The following FOXP1 variants were observed in gnomAD, a reference collection of about 807,000 sequenced individuals.
FOXP1 encodes the protein forkhead box P1, also known as forkhead box protein P1.
In FOXP1, 15 loss-of-function variants were observed where a neutral mutation model predicts 98.2. The observed-to-expected ratio is 0.15, with a 90% confidence interval of 0.10 to 0.24. The LOEUF (loss-of-function observed/expected upper bound fraction) is 0.24, where lower values mean the gene tolerates loss of function less well. Among genes scored for constraint, FOXP1 ranks in the 10% least tolerant of loss-of-function variants. The pLI is 1.00. For synonymous variants in FOXP1, 371 were observed against 314.5 expected (o/e 1.18, Z -1.90); for missense variants, 633 against 848.5 (o/e 0.75, Z 3.15).
At chr3:71,281,397 C>T (rs1401592847) in intron 5 of FOXP1, among the ~76,000 whole-genome samples, 1 of 152,204 alleles carries the variant, frequency 6.6e-6, no homozygotes, top group East Asian at 1.9e-4. Flanking sequence ...CACAAACAGC[C>T]AACCCTCTGC....
chr3:71,033,763 C>T (rs981025016), intron 11 of FOXP1, among the ~76,000 whole-genome samples: 7 of 152,154 alleles, frequency 4.6e-5, no homozygotes. Flanking sequence ...TCTCCCACTT[C>T]TAAGTCCCAA....
intron 18 of FOXP1, 41 bp from the exon 19 acceptor site, chr3:70,970,846 C>T (rs772462920): frequency 2.0e-5 from 29 of 1,472,362 alleles, no homozygotes; most frequent in East Asian, 4.5e-5. Flanking sequence ...TAAACACAGT[C>T]GACTGCTGAG....
intron 5 of FOXP1, among the ~76,000 whole-genome samples, chr3:71,209,360 G>A (rs1032247684): frequency 2.6e-5 from 4 of 152,154 alleles, no homozygotes; most frequent in Non-Finnish European, 5.9e-5. Context: ...ACACAGATTC[G>A]AATCTTTAAT....
chr3:71,449,947 A>G (rs2108495608), intron 3 of FOXP1, among the ~76,000 whole-genome samples: 1 of 152,372 alleles, frequency 6.6e-6, no homozygotes, highest in East Asian at 1.9e-4. Flanking sequence ...AGGTGACTTC[A>G]GTCATAAGGC....
intron 3 of FOXP1, among the ~76,000 whole-genome samples, chr3:71,396,976 ATATATGTG>A (rs1464816542): frequency 4.1e-4 from 19 of 46,616 alleles, no homozygotes; most frequent in African/African-American, 1.6e-3. Context: ...GTGTATATAT[ATATATGTG>A]TATATATATA....
At chr3:71,237,940 T>G (rs1231974973) in intron 5 of FOXP1, among the ~76,000 whole-genome samples, 1 of 152,156 alleles carries the variant, frequency 6.6e-6, no homozygotes, top group Non-Finnish European at 1.5e-5. Flanking sequence ...GAAGAGAAGG[T>G]GGCTCCCTGC....
At chr3:71,434,328 C>A (rs1339041667) in intron 3 of FOXP1, among the ~76,000 whole-genome samples, 3 of 151,928 alleles carry the variant, frequency 2.0e-5, no homozygotes, top group African/African-American at 7.3e-5. Context: ...GAAGACACCT[C>A]CTTCCCACTC....
At chr3:71,150,529 G>A (rs1005520760) in intron 6 of FOXP1, among the ~76,000 whole-genome samples, 5 of 151,916 alleles carry the variant, frequency 3.3e-5, no homozygotes, top group South Asian at 2.1e-4. Context: ...CTTACTCATC[G>A]AGACCTTTTT....
chr3:71,140,919 G>T (rs1338000842), intron 6 of FOXP1, among the ~76,000 whole-genome samples: 1 of 151,100 alleles, frequency 6.6e-6, no homozygotes, highest in Non-Finnish European at 1.5e-5. Flanking sequence ...TTTGAGGCCA[G>T]CACAGGCAAC....
At chr3:71,344,771 T>C (rs911629217) in intron 4 of FOXP1, among the ~76,000 whole-genome samples, 13 of 151,962 alleles carry the variant, frequency 8.6e-5, no homozygotes, top group Middle Eastern at 3.4e-3. Flanking sequence ...CTGGCAGAGG[T>C]TGCAGTGAGC....
At chr3:70,998,172 G>C (rs1375848308) in intron 13 of FOXP1, among the ~76,000 whole-genome samples, 1 of 152,164 alleles carries the variant, frequency 6.6e-6, no homozygotes, top group Non-Finnish European at 1.5e-5. Context: ...GTAAGAGCCA[G>C]ATCATAAATA....
At chr3:71,416,547 AACACACACACACACACACAC>A (rs55710900) in intron 3 of FOXP1, among the ~76,000 whole-genome samples, 5 of 136,778 alleles carry the variant, frequency 3.7e-5, no homozygotes, top group African/African-American at 5.7e-5. Flanking sequence ...TCTGTCTCAA[AACACACACACACACACACAC>A]ACACACACAC....
At chr3:71,190,244 G>C (rs2062882532) in intron 6 of FOXP1, among the ~76,000 whole-genome samples, 1 of 151,992 alleles carries the variant, frequency 6.6e-6, no homozygotes, top group Non-Finnish European at 1.5e-5. Context: ...ATTCTCCCAT[G>C]TTTTCCTAGC....
At chr3:71,211,683 GGA>G (rs1389252155) in intron 5 of FOXP1, among the ~76,000 whole-genome samples, 5 of 152,184 alleles carry the variant, frequency 3.3e-5, no homozygotes, top group Admixed American at 6.5e-5. Flanking sequence ...CTCAAGATTG[GGA>G]AGGACTGATT....
intron 3 of FOXP1, among the ~76,000 whole-genome samples, 195 bp downstream of exon 3, chr3:71,493,231 C>T (rs1044703768): frequency 2.6e-5 from 4 of 152,166 alleles, no homozygotes; most frequent in African/African-American, 4.8e-5. Flanking sequence ...GGAAGTTATC[C>T]TATGTCCTAT....
intron 3 of FOXP1, among the ~76,000 whole-genome samples, chr3:71,403,143 A>G (rs1432897049): frequency 1.3e-5 from 2 of 152,188 alleles, no homozygotes; most frequent in Non-Finnish European, 2.9e-5. Flanking sequence ...CCAATTACTG[A>G]GTGATCAGGA....
intron 9 of FOXP1, among the ~76,000 whole-genome samples, chr3:71,049,343 T>C (rs1351715663): frequency 6.6e-6 from 1 of 152,202 alleles, no homozygotes; most frequent in Admixed American, 6.5e-5. Context: ...TCTTTTTTTG[T>C]AGCTCGATTT....
chr3:71,059,103 TAAA>T (rs751721422), intron 7 of FOXP1, among the ~76,000 whole-genome samples: 180 of 152,292 alleles, frequency 1.2e-3, no homozygotes, highest in Admixed American at 3.5e-3. Flanking sequence ...AACCAACTAT[TAAA>T]AATTTTTTTT....
At chr3:71,080,923 C>T (rs948388238) in intron 7 of FOXP1, among the ~76,000 whole-genome samples, 5 of 152,306 alleles carry the variant, frequency 3.3e-5, no homozygotes, top group South Asian at 2.1e-4. Flanking sequence ...ATTTCTCAAG[C>T]GCACTTAAGG....
Sources: allele counts gnomAD v4.1 joint callset (sites outside exome capture counted in the v4.1 genomes callset), GRCh38; gene constraint gnomAD v4.1.1; transcripts MANE v1.5; gene names NCBI Gene and HGNC (gene_info 2026-07-23, HGNC 2026-07-21).